Variants in KIFC3 observed in about 807,000 individuals in gnomAD.
KIFC3 encodes the protein kinesin family member C3, also known as kinesin-like protein KIFC3.
A neutral mutation model predicts 101.8 loss-of-function variants in KIFC3; 60 were observed. That is an observed-to-expected ratio of 0.59 (90% CI 0.48 to 0.73). KIFC3 has a LOEUF of 0.73. Among genes scored for constraint, KIFC3 ranks in the 30% least tolerant of loss-of-function variants. KIFC3 has a pLI of 0.00. For synonymous variants in KIFC3, 476 were observed against 482.7 expected, an observed-to-expected ratio of 0.99 and a Z score of 0.18; for missense variants, 966 against 1,137.1, an observed-to-expected ratio of 0.85 and a Z score of 2.16.
At position 57,761,088 on chromosome 16, in the gene KIFC3, G is replaced by A. The variant is rs781946841; in HGVS notation, c.1956C>T (p.Ile652=). 109 of 1,613,582 alleles carry A rather than the reference G, an allele frequency of 6.8e-5. No homozygotes were observed. The highest frequency in any genetic ancestry group is 1.6e-4 in the Middle Eastern group (1 of 6,080). The change falls in exon 15 of 20, where the codon ATC becomes ATT. Residue 652 remains isoleucine (I), a synonymous_variant. Coordinates refer to ENST00000445690, the MANE Select transcript of KIFC3 (RefSeq NM_001130100.2). ...TGCAGTCCACGCCTCGCACCGTCAC[G>A]ATGAGCAGCGCGTGCGAGCGGGAGC... ...EHSSRSHALL[I]VTVRGVDCST...
intron 1 of KIFC3, among the ~76,000 whole-genome samples, chr16:57,830,908 G>A (rs1299647951): frequency 2.6e-5 from 4 of 152,152 alleles, no homozygotes; most frequent in African/African-American, 9.7e-5. Context: ...GCCACACTAT[G>A]AGGTCAGCCT....
intron 1 of KIFC3, among the ~76,000 whole-genome samples, chr16:57,848,330 C>G (rs539458795): frequency 6.6e-6 from 1 of 152,258 alleles, no homozygotes; most frequent in East Asian, 1.9e-4. Context: ...AAATTCAGGA[C>G]CAGCATTGAG....
intron 4 of KIFC3, 100 bp downstream of exon 4, chr16:57,772,123 G>A: frequency 1.0e-6 from 1 of 998,582 alleles, no homozygotes; most frequent in Non-Finnish European, 1.5e-6. Context: ...GGGATATGCG[G>A]GCTCAGGAGA....
upstream of KIFC3, chr16:57,802,565 CG>C (rs2054811533): frequency 1.7e-5 from 17 of 992,022 alleles, no homozygotes; most frequent in Admixed American, 1.8e-4. This position sits in a 1 kb window ranked among gnomAD's most constrained non-coding sequence, Gnocchi z 5.0. Flanking sequence ...CCGACCCCGG[CG>C]GGGGGCGGCG....
intron 1 of KIFC3, among the ~76,000 whole-genome samples, chr16:57,811,795 A>G (rs1207991512): frequency 2.0e-5 from 3 of 151,844 alleles, no homozygotes; most frequent in Admixed American, 6.6e-5. Context: ...ATAAGCTTGT[A>G]AACCCAGCTA....
upstream of KIFC3, among the ~76,000 whole-genome samples, chr16:57,805,289 T>C (rs565284905): frequency 2.0e-5 from 3 of 152,246 alleles, no homozygotes; most frequent in Admixed American, 6.5e-5. Flanking sequence ...ATCCCAGTTG[T>C]TGGAATTTAA....
At chr16:57,759,683 T>C (rs12934801) in intron 18 of KIFC3, 45 bp downstream of exon 18, 116,560 of 1,457,300 alleles carry the variant, frequency 0.08, 5,052 homozygotes, top group South Asian at 0.12. Flanking sequence ...CTGGTGACTA[T>C]TACCCTGGGG....
chr16:57,763,056 G>A lies in KIFC3; in HGVS notation c.1618-786C>T, dbSNP rs550348845. Reference sequence around the variant, plus strand: ...CCTGTCCCTCCCCCTAGTCAGTTCCGCATTCCTGGCTTTATTTTTCTCCCT... The same window carrying A: ...CCTGTCCCTCCCCCTAGTCAGTTCCACATTCCTGGCTTTATTTTTCTCCCT... On this transcript the variant is annotated intron_variant, in intron 12 of 19. Coordinates refer to ENST00000445690, the MANE Select transcript of KIFC3 (RefSeq NM_001130100.2). 4.6e-5 allele frequency among the ~76,000 whole-genome samples: 7 copies of A among 152,104 alleles called. No homozygotes were observed. The South Asian group carries it at 1.0e-3, about 23-fold the overall frequency.
Position 57,758,430 on chromosome 16 carries a change from C to G in KIFC3, c.*504G>C, listed in dbSNP as rs1555590292. 2.7e-6 allele frequency: 1 copy of G among 370,556 alleles called. No homozygotes were observed. Among genetic ancestry groups the G allele is most frequent in the African/African-American group, 2.1e-5 (1 of 47,350 alleles). 23.0% of individuals were successfully genotyped at this position (370,556 alleles called of 1,614,324 possible). A position where few individuals can be genotyped will look rare whatever the true frequency, so the allele number is the denominator to read the frequency against. ...CCATGCGCCTCCGCACACCCCCCAG[C>G]TGCGGGAACCCTCCTTGAAGGAGAG... On this transcript the variant is annotated 3_prime_UTR_variant, in exon 20 of 20. Transcript: ENST00000445690.
At chr16:57,764,433 C>G (rs905165304) in intron 11 of KIFC3, 186 bp from the exon 12 acceptor site, 3 of 574,564 alleles carry the variant, frequency 5.2e-6, no homozygotes, top group Non-Finnish European at 9.4e-6. Context: ...AGTGGGCAAC[C>G]GGGCCGCCCA....
chr16:57,766,829 G>A lies in KIFC3; in HGVS notation c.1330+45C>T, dbSNP rs374506187. 1.0e-4 allele frequency: 148 copies of A among 1,416,210 alleles called. No individual in the cohort carries two copies. The South Asian group carries it at 1.2e-3, about 11-fold the overall frequency. 87.7% of individuals were successfully genotyped at this position (1,416,210 alleles called of 1,614,324 possible). ...CCAAGCATGACTGCCAAGCCAGGTC[G>A]AGGACCCCGAGGCCAGCGCCCACCC... On this transcript the variant is annotated intron_variant, in intron 10 of 19. Coordinates refer to ENST00000445690, the MANE Select transcript of KIFC3 (RefSeq NM_001130100.2).
At chr16:57,793,812 G>A (rs782010773) in intron 3 of KIFC3, among the ~76,000 whole-genome samples, 1 of 152,148 alleles carries the variant, frequency 6.6e-6, no homozygotes, top group Non-Finnish European at 1.5e-5. Flanking sequence ...GCAACAGAGT[G>A]AACGAGACTC....
chr16:57,782,739 G>A (rs1368523946), intron 3 of KIFC3, among the ~76,000 whole-genome samples: 1 of 152,154 alleles, frequency 6.6e-6, no homozygotes, highest in Admixed American at 6.5e-5. Flanking sequence ...AGGTCAGGAG[G>A]TCGAGACCAG....
chr16:57,792,624 A>C (rs2053966602), intron 3 of KIFC3, among the ~76,000 whole-genome samples: 1 of 152,164 alleles, frequency 6.6e-6, no homozygotes, highest in Non-Finnish European at 1.5e-5. Context: ...GCCGGGCGTA[A>C]TGGCTCACAT....
rs781900546 is a variant in KIFC3, at chr16:57,771,688, T to C, written c.382-2A>G. 1.2e-5 allele frequency: 20 copies of C among 1,610,162 alleles called. No individual in the cohort carries two copies. The Admixed American group carries it at 3.4e-4, about 27-fold the overall frequency. Reference sequence around the variant, plus strand: ...GTGCTTCTCCAAGTCGGTGCCCCCCTGCAGAGAGCCAGGGCCGAGGGGGCG... The same window carrying C: ...GTGCTTCTCCAAGTCGGTGCCCCCCCGCAGAGAGCCAGGGCCGAGGGGGCG... On this transcript the variant is annotated splice_acceptor_variant, in intron 4 of 19. Transcript: ENST00000445690. LOFTEE classifies it high-confidence loss of function.
chr16:57,835,204 A>T (rs1202973476), intron 1 of KIFC3, among the ~76,000 whole-genome samples: 1 of 152,230 alleles, frequency 6.6e-6, no homozygotes, highest in African/African-American at 2.4e-5. Flanking sequence ...AGACGATTTC[A>T]TCAGAAGGTT....
chr16:57,820,481 T>C (rs1327381142), intron 1 of KIFC3, among the ~76,000 whole-genome samples: 12 of 152,164 alleles, frequency 7.9e-5, no homozygotes, highest in Admixed American at 7.9e-4. Context: ...CACTGTGTTT[T>C]GTTGCCCAGG....
intron 2 of KIFC3, among the ~76,000 whole-genome samples, 190 bp from the exon 3 acceptor site, chr16:57,795,331 G>A (rs2054202060): frequency 6.6e-6 from 1 of 152,242 alleles, no homozygotes; most frequent in African/African-American, 2.4e-5. Flanking sequence ...GCTCGGGGCA[G>A]TGGCTACGCT....
chr16:57,803,126 G>T, upstream of KIFC3: 2 of 1,160,830 alleles, frequency 1.7e-6, no homozygotes, highest in Non-Finnish European at 2.5e-6. Context: ...CCCCACCCCA[G>T]CAAATGAATA....
Sources: allele counts gnomAD v4.1 joint callset (sites outside exome capture counted in the v4.1 genomes callset), GRCh38; gene constraint gnomAD v4.1.1; non-coding constraint Gnocchi (gnomAD v3.1); transcripts MANE v1.5; gene names NCBI Gene and HGNC (gene_info 2026-07-23, HGNC 2026-07-21).